HK1: variants seen among roughly 807,000 people sequenced by gnomAD.
HK1 encodes hexokinase-1.
Under a neutral mutation model 91.6 loss-of-function variants are expected in HK1, and 28 were observed. That is an observed-to-expected ratio of 0.31 (90% CI 0.23 to 0.42). The LOEUF is 0.42. HK1 is among the 10% of genes least tolerant of loss of function. The pLI, the probability that HK1 is intolerant of heterozygous loss-of-function variation, is 1.00. For missense variants in HK1, 770 were observed against 1,219.8 expected (o/e 0.63, Z 5.49); for synonymous variants, 430 against 468.1 (o/e 0.92, Z 1.05).
chr10:69,317,175 G>C (rs894915152), upstream of HK1, among the ~76,000 whole-genome samples: 2 of 152,168 alleles, frequency 1.3e-5, no homozygotes, highest in South Asian at 2.1e-4. Flanking sequence ...AGCTTTAACC[G>C]CATTAACTTT....
intron 15 of HK1, 73 bp downstream of exon 15, chr10:69,392,381 A>G: frequency 6.6e-7 from 1 of 1,508,640 alleles, no homozygotes; most frequent in Non-Finnish European, 9.2e-7. Flanking sequence ...TGCCACTTGC[A>G]GTGGAAGAAG....
intron 10 of HK1, 44 bp downstream of exon 10, chr10:69,382,835 A>C (rs1270268386): frequency 6.3e-7 from 1 of 1,593,650 alleles, no homozygotes; most frequent in African/African-American, 1.3e-5. Flanking sequence ...TGCTCCTGCC[A>C]GGAACTGAGC....
chr10:69,343,779 C>G, intron 1 of HK1, 48 bp from the exon 2 acceptor site: 1 of 1,515,648 alleles, frequency 6.6e-7, no homozygotes, highest in Non-Finnish European at 9.2e-7. Context: ...TCACCTTGCC[C>G]TGTCCTCCCC....
Position 69,392,231 on chromosome 10 carries a change from C to T in HK1, c.2142C>T (p.Asp714=), listed in dbSNP as rs1325635640. The change falls in exon 15 of 18, where the codon GAC becomes GAT. Residue 714 remains aspartate (D), a synonymous_variant. Coordinates refer to ENST00000359426, the MANE Select transcript of HK1 (RefSeq NM_000188.3). ...ACATGGAGTGGGGGGCCTTTGGGGA[C>T]AACGGGTGTCTGGATGATATCAGGA... ...CINMEWGAFG[D]NGCLDDIRTH... is the part of the protein sequence containing the mutation. 3 of 1,614,040 alleles carry T rather than the reference C, an allele frequency of 1.9e-6. No individual in the cohort carries two copies. The highest frequency in any genetic ancestry group is 2.5e-6 in the Non-Finnish European group (3 of 1,180,036).
chr10:69,351,125 A>G (rs1848839808), intron 2 of HK1, among the ~76,000 whole-genome samples: 1 of 151,624 alleles, frequency 6.6e-6, no homozygotes, highest in Admixed American at 6.6e-5. Flanking sequence ...CAGTGAGCCA[A>G]GATCACGCCA....
intron 4 of HK1, among the ~76,000 whole-genome samples, chr10:69,365,955 C>G (rs1024078638): frequency 1.4e-4 from 22 of 152,262 alleles, no homozygotes; most frequent in African/African-American, 5.1e-4. Context: ...CCTTAGCCCC[C>G]CTAGTGCTGG....
intron 2 of HK1, among the ~76,000 whole-genome samples, chr10:69,283,749 G>T (rs1318247151): frequency 7.9e-6 from 1 of 127,036 alleles, no homozygotes; most frequent in Non-Finnish European, 1.6e-5. Flanking sequence ...AGCCAAGTTC[G>T]CACCACCGCA....
At chr10:69,311,656 A>C (rs1452118778), upstream of HK1, among the ~76,000 whole-genome samples, 2 of 152,008 alleles carry the variant, frequency 1.3e-5, no homozygotes, top group South Asian at 2.1e-4. Flanking sequence ...TTTTTTTCTG[A>C]GACGGAGTCT....
intron 2 of HK1, among the ~76,000 whole-genome samples, chr10:69,346,760 A>AT (rs1201443325): frequency 6.6e-6 from 1 of 151,948 alleles, no homozygotes; most frequent in African/African-American, 2.4e-5. Flanking sequence ...GCTGCATATC[A>AT]TTTTTGAGGT....
rs752650609 is a variant in HK1 at position 69,343,932 on chromosome 10, C to A, written c.169C>A (p.Pro57Thr). The A allele has an allele frequency of 2.5e-6, 4 of 1,614,054 alleles. No homozygotes were observed. The highest frequency in any genetic ancestry group is 1.7e-5 in the Admixed American group (1 of 60,020). ...GAATGGCCTCTCCCGGGATTTTAAT[C>A]CAACAGCCACAGTCAAGATGTTGCC... Reference protein sequence around the residue: ...MKNGLSRDFNPTATVKMLPTF... With the variant: ...MKNGLSRDFNTTATVKMLPTF... Residue 57 changes from proline to threonine, a missense_variant, in exon 2 of 18, where the codon CCA (proline) becomes ACA (threonine). Physicochemically the swap from Pro to Thr is conservative, Grantham distance 38 (BLOSUM62 -1). Around this residue, in one of 7 missense-constraint regions of HK1, gnomAD observed 449 missense variants for 665.1 expected, o/e 0.68. Transcript: ENST00000359426.
At chr10:69,308,584 G>A (rs113103231) in intron 5 of HK1, among the ~76,000 whole-genome samples, 51 of 152,218 alleles carry the variant, frequency 3.4e-4, no homozygotes, top group African/African-American at 1.2e-3. Context: ...TAACATAAAC[G>A]GTTAGGTCAG....
chr10:69,352,042 G>A (rs1848902289), intron 2 of HK1, among the ~76,000 whole-genome samples: 1 of 151,640 alleles, frequency 6.6e-6, no homozygotes, highest in African/African-American at 2.4e-5. Flanking sequence ...GCCCAGGCTG[G>A]AGTGCAGTGG....
intron 9 of HK1, among the ~76,000 whole-genome samples, chr10:69,381,019 C>G (rs1839360386): frequency 6.6e-6 from 1 of 152,154 alleles, no homozygotes; most frequent in South Asian, 2.1e-4. Context: ...TGAAATAGTT[C>G]TGGCCTGGCA....
intron 4 of HK1, among the ~76,000 whole-genome samples, chr10:69,298,137 G>C (rs11819094): frequency 6.6e-6 from 1 of 151,216 alleles, no homozygotes; most frequent in Non-Finnish European, 1.5e-5. Flanking sequence ...CTTGAACCCA[G>C]GAGGCGGAGG....
At chr10:69,388,811 T>G (rs913716001) in intron 13 of HK1, among the ~76,000 whole-genome samples, 1 of 152,248 alleles carries the variant, frequency 6.6e-6, no homozygotes, top group Non-Finnish European at 1.5e-5. Flanking sequence ...ACCTGCAGAC[T>G]ATTTCTCAAG....
intron 1 of HK1, among the ~76,000 whole-genome samples, chr10:69,339,165 T>C (rs535379228): frequency 2.6e-5 from 4 of 152,338 alleles, no homozygotes; most frequent in Non-Finnish European, 4.4e-5. Context: ...TCATGTGCTT[T>C]TCTCCAGTGC....
intron 1 of HK1, among the ~76,000 whole-genome samples, chr10:69,322,512 G>A (rs1304992964): frequency 3.3e-5 from 5 of 152,178 alleles, no homozygotes; most frequent in Non-Finnish European, 7.3e-5. Context: ...ACAGGGGAGA[G>A]TAGGCTTAGC....
chr10:69,357,674 A>G (rs1017294883), intron 2 of HK1, among the ~76,000 whole-genome samples: 3 of 152,074 alleles, frequency 2.0e-5, no homozygotes, highest in South Asian at 4.1e-4. Flanking sequence ...GTTGGTCTCA[A>G]ACTCCTGAGC....
intron 1 of HK1, among the ~76,000 whole-genome samples, chr10:69,278,216 T>C (rs1844561897): frequency 6.6e-6 from 1 of 152,246 alleles, no homozygotes; most frequent in Non-Finnish European, 1.5e-5. Context: ...GGAAACTGCC[T>C]GCCATTTCCT....
Sources: allele counts gnomAD v4.1 joint callset (sites outside exome capture counted in the v4.1 genomes callset), GRCh38; gene constraint gnomAD v4.1.1; regional missense constraint gnomAD v4.1.1; transcripts MANE v1.5; gene names NCBI Gene and HGNC (gene_info 2026-07-23, HGNC 2026-07-21).